The following MYBL2 variants were observed in gnomAD, a reference collection of about 807,000 sequenced individuals.
MYBL2 encodes MYB proto-oncogene like 2, also known as myb-related protein B.
In MYBL2, 28 loss-of-function variants were observed where a neutral mutation model predicts 79.9. That is an observed-to-expected ratio of 0.35 (90% CI 0.26 to 0.48). The LOEUF (loss-of-function observed/expected upper bound fraction) is 0.48, where lower values mean the gene tolerates loss of function less well. Among genes scored for constraint, MYBL2 ranks in the 20% least tolerant of loss-of-function variants. MYBL2 has a pLI of 0.99. For synonymous variants in MYBL2, 378 were observed against 361.2 expected (o/e 1.05, Z -0.53); for missense variants, 735 against 893.9 (o/e 0.82, Z 2.27).
rs1356504187 is a variant in MYBL2, at chr20:43,715,948, C to T, written c.1975-11C>T. ...CCCTGCCTGGATGGTAACCCTCTTG[C>T]CTCCTCCCAGATGTCCAGTGCCTGG... On this transcript the variant is annotated splice_polypyrimidine_tract_variant and intron_variant, in intron 13 of 13. Transcript: ENST00000217026. 6.2e-7 allele frequency: 1 copy of T among 1,606,686 alleles called. No homozygotes were observed. The highest frequency in any genetic ancestry group is 1.7e-5 in the Admixed American group (1 of 58,392).
intron 2 of MYBL2, among the ~76,000 whole-genome samples, chr20:43,675,460 C>T (rs1986982539): frequency 6.6e-6 from 1 of 151,902 alleles, no homozygotes; most frequent in African/African-American, 2.4e-5. Context: ...ATTACAGGCA[C>T]CCGCCATCAT....
rs555197180 is a variant in MYBL2, at chr20:43,707,667, G to T, written c.1506-2296G>T. 2.6e-5 allele frequency among the ~76,000 whole-genome samples: 4 copies of T among 152,250 alleles called. No individual in the cohort carries two copies. The East Asian group carries it at 7.7e-4, about 29-fold the overall frequency. On this transcript the variant is annotated intron_variant, in intron 9 of 13. Coordinates refer to ENST00000217026, the MANE Select transcript of MYBL2 (RefSeq NM_002466.4). ...GCCTCCCAAAGTGCTGGGATTACAGGCGTGAGCTGTAATCCAGCTGTTATT... is the reference window on the plus strand; with the variant it reads ...GCCTCCCAAAGTGCTGGGATTACAGTCGTGAGCTGTAATCCAGCTGTTATT...
chr20:43,694,843 C>T (rs142946593), intron 6 of MYBL2, among the ~76,000 whole-genome samples: 24 of 152,276 alleles, frequency 1.6e-4, no homozygotes, highest in Admixed American at 5.2e-4. Context: ...AGAGAAACAG[C>T]GGGCATCAGC....
intron 4 of MYBL2, among the ~76,000 whole-genome samples, chr20:43,684,168 C>T (rs1987211933): frequency 6.6e-6 from 1 of 151,996 alleles, no homozygotes; most frequent in South Asian, 2.1e-4. Flanking sequence ...CTCAAATGAT[C>T]CTCCCACGTC....
chr20:43,716,473 CCT>C lies in MYBL2; in HGVS notation c.*393_*394del. 4.2e-6 allele frequency: 1 copy of C among 238,580 alleles called. No individual in the cohort carries two copies. Among genetic ancestry groups the C allele is most frequent in the Non-Finnish European group, 8.1e-6 (1 of 123,996 alleles). 14.8% of individuals were successfully genotyped at this position (238,580 alleles called of 1,614,324 possible). ...GCATTTTTTTGGAAGAATAAAATTGCCTCTCTCTTTGTGCTGGTCTGGACTCT... is the reference window on the plus strand; with the variant it reads ...GCATTTTTTTGGAAGAATAAAATTGCCTCTCTTTGTGCTGGTCTGGACTCT... On this transcript the variant is annotated 3_prime_UTR_variant, in exon 14 of 14. Transcript: ENST00000217026.
intron 6 of MYBL2, among the ~76,000 whole-genome samples, chr20:43,694,846 G>T (rs1362897380): frequency 6.6e-6 from 1 of 152,130 alleles, no homozygotes; most frequent in African/African-American, 2.4e-5. Context: ...GAAACAGCGG[G>T]CATCAGCCGA....
intron 7 of MYBL2, 41 bp downstream of exon 7, chr20:43,700,085 C>G (rs1014928852): frequency 6.3e-7 from 1 of 1,593,192 alleles, no homozygotes; most frequent in African/African-American, 1.3e-5. Flanking sequence ...ACAGAACACC[C>G]CCAGCAGGAA....
intron 6 of MYBL2, among the ~76,000 whole-genome samples, chr20:43,699,439 A>G (rs922191806): frequency 3.3e-5 from 5 of 152,216 alleles, no homozygotes; most frequent in African/African-American, 1.2e-4. Context: ...TAACCACAAT[A>G]AAGTTATATT....
Position 43,700,596 on chromosome 20 carries a change from G to T in MYBL2, c.951+552G>T, listed in dbSNP as rs552286211. Among the ~76,000 whole-genome samples, 3 of 152,274 alleles carry T rather than the reference G, an allele frequency of 2.0e-5. No homozygotes were observed. The South Asian group carries it at 6.2e-4, about 32-fold the overall frequency. On this transcript the variant is annotated intron_variant, in intron 7 of 13. Coordinates refer to ENST00000217026, the MANE Select transcript of MYBL2 (RefSeq NM_002466.4). Reference sequence around the variant, plus strand: ...GCTCCTGGCTGCATCGGCCAGGCCTGCTGTGTAGAGCGGGTTTTGGGAGGT... The same window carrying T: ...GCTCCTGGCTGCATCGGCCAGGCCTTCTGTGTAGAGCGGGTTTTGGGAGGT...
intron 4 of MYBL2, among the ~76,000 whole-genome samples, chr20:43,683,550 C>CCTTTTTTTTTTTTTTT (rs764273305): frequency 1.6e-5 from 2 of 126,446 alleles, no homozygotes; most frequent in Non-Finnish European, 1.7e-5. Flanking sequence ...GGGAACTAGG[C>CCTTTTTTTTTTTTTTT]ATTTTTTTTT....
rs71193702 is a variant in MYBL2, at chr20:43,706,719, G to GTTTTTTTTTTTTTTTTTTTT, written c.1505+1375_1505+1376insTTTTTTTTTTTTTTTTTTTT. On this transcript the variant is annotated intron_variant, in intron 9 of 13. Transcript: ENST00000217026. ...CTGTCTGTACACAAAAAAAAAAAAAGTTTTTTTTTTTTTTGAGATGGAGTC... is the reference window on the plus strand; with the variant it reads ...CTGTCTGTACACAAAAAAAAAAAAAGTTTTTTTTTTTTTTTTTTTTTTTTTTTTTTTTTTGAGATGGAGTC... Among the ~76,000 whole-genome samples, 23 of 70,764 alleles carry GTTTTTTTTTTTTTTTTTTTT rather than the reference G, an allele frequency of 3.3e-4. 3 individuals carry two copies. Among genetic ancestry groups the GTTTTTTTTTTTTTTTTTTTT allele is most frequent in the Non-Finnish European group, 3.8e-4 (15 of 39,576 alleles). The allele number at this position is 70,764 out of a possible 152,430, so 46.4% of individuals were successfully genotyped here.
chr20:43,702,256 G>A (rs1431556987), intron 7 of MYBL2, among the ~76,000 whole-genome samples: 1 of 152,200 alleles, frequency 6.6e-6, no homozygotes, highest in Non-Finnish European at 1.5e-5. Flanking sequence ...CTGTGATTGT[G>A]CTACTGTACT....
intron 5 of MYBL2, among the ~76,000 whole-genome samples, chr20:43,691,757 T>C (rs1157263965): frequency 3.9e-5 from 6 of 151,972 alleles, no homozygotes; most frequent in Admixed American, 6.6e-5. Flanking sequence ...CAGGCTGGTC[T>C]CGAACTCCCG....
intron 6 of MYBL2, among the ~76,000 whole-genome samples, chr20:43,695,729 C>G (rs1987524710): frequency 8.6e-6 from 1 of 116,630 alleles, no homozygotes; most frequent in African/African-American, 2.9e-5. Context: ...ACCTGTAGTT[C>G]CAACTACTTT....
chr20:43,683,763 T>A (rs2145715511), intron 4 of MYBL2, among the ~76,000 whole-genome samples: 1 of 151,838 alleles, frequency 6.6e-6, no homozygotes, highest in East Asian at 1.9e-4. Context: ...ACCATGTTGG[T>A]CAGGCTGGTC....
intron 6 of MYBL2, among the ~76,000 whole-genome samples, chr20:43,693,080 T>C (rs1043826311): frequency 2.6e-5 from 4 of 152,238 alleles, no homozygotes; most frequent in Non-Finnish European, 4.4e-5. Context: ...ATGCCCAGGC[T>C]GGAGTTGCAG....
intron 11 of MYBL2, among the ~76,000 whole-genome samples, chr20:43,712,234 G>A (rs532222474): frequency 2.6e-5 from 4 of 152,162 alleles, no homozygotes; most frequent in Non-Finnish European, 2.9e-5. Context: ...CGATCCCTTC[G>A]AGTCTCCTAG....
rs543824367 is a variant in MYBL2, at chr20:43,671,964, C to T, written c.21-1842C>T. On this transcript the variant is annotated intron_variant, in intron 1 of 13. Transcript: ENST00000217026. Reference sequence around the variant, plus strand: ...GTGGCTCACGCCTGTAATCCCAGCCCGTTGGGAGGCCAAGGCGGGTGGATC... The same window carrying T: ...GTGGCTCACGCCTGTAATCCCAGCCTGTTGGGAGGCCAAGGCGGGTGGATC... Among the ~76,000 whole-genome samples the T allele has an allele frequency of 2.9e-3, 435 of 149,804 alleles. 2 individuals are homozygous for T. The highest frequency in any genetic ancestry group is 0.022 in the South Asian group (101 of 4,674).
chr20:43,710,774 A>T (rs917927386), intron 10 of MYBL2, among the ~76,000 whole-genome samples: 1 of 152,140 alleles, frequency 6.6e-6, no homozygotes, highest in Non-Finnish European at 1.5e-5. Context: ...ATTCTGAGTC[A>T]AGCAGACTTT....
Sources: allele counts gnomAD v4.1 joint callset (sites outside exome capture counted in the v4.1 genomes callset), GRCh38; gene constraint gnomAD v4.1.1; transcripts MANE v1.5; gene names NCBI Gene and HGNC (gene_info 2026-07-23, HGNC 2026-07-21).